The following CMTR1 variants were observed in gnomAD, a reference collection of about 807,000 sequenced individuals.
CMTR1 encodes the protein cap methyltransferase 1.
CMTR1 carries 39 observed loss-of-function variants against 107.0 expected under a neutral mutation model. The observed-to-expected ratio is 0.36, with a 90% confidence interval of 0.28 to 0.48. CMTR1 has a LOEUF of 0.48. Among genes scored for constraint, CMTR1 ranks in the 20% least tolerant of loss-of-function variants. CMTR1 has a pLI of 0.99. For synonymous variants in CMTR1, 366 were observed against 379.5 expected, an observed-to-expected ratio of 0.96 and a Z score of 0.41; for missense variants, 672 against 1,064.9, an observed-to-expected ratio of 0.63 and a Z score of 5.14.
intron 22 of CMTR1, 140 bp downstream of exon 22, chr6:37,478,661 C>T: frequency 3.0e-6 from 2 of 677,574 alleles, no homozygotes; most frequent in Non-Finnish European, 5.2e-6. Context: ...TTCTCTGAGG[C>T]ATATGTTAGG....
At chr6:37,453,645 G>GTACTGGGA (rs1761230243) in intron 8 of CMTR1, among the ~76,000 whole-genome samples, 1 of 151,668 alleles carries the variant, frequency 6.6e-6, no homozygotes, top group African/African-American at 2.4e-5. Context: ...AATGAGAGGG[G>GTACTGGGA]AATATGGTTT....
intron 2 of CMTR1, chr6:37,436,338 T>G (rs1266888160): frequency 6.6e-6 from 1 of 152,252 alleles, no homozygotes; most frequent in Non-Finnish European, 1.5e-5. Flanking sequence ...AGATGCTTTC[T>G]GAGGAATGGT....
In CMTR1 at chr6:37,481,093, C is replaced by A; in HGVS notation, c.*948C>A. The A allele has an allele frequency of 7.7e-7, 1 of 1,304,272 alleles. No individual in the cohort carries two copies. Among genetic ancestry groups the A allele is most frequent in the Non-Finnish European group, 1.0e-6 (1 of 988,962 alleles). 80.8% of individuals were successfully genotyped at this position (1,304,272 alleles called of 1,614,324 possible). ...CTTGAAGTGCAGCTCCCTTACTACC[C>A]TTTCCCTTCCTTTTTCTTCCCTAAT... is the stretch of plus-strand genomic sequence containing the variant. On this transcript the variant is annotated 3_prime_UTR_variant, in exon 24 of 24. Transcript: ENST00000373451.
At position 37,435,661 on chromosome 6, in the gene CMTR1, C is replaced by T; in HGVS notation, c.32C>T (p.Ala11Val). MKRRTDPECT[A>V]PIKKQKKRVA... is the part of the protein sequence containing the mutation. ...AGGAGAACTGACCCAGAATGCACTG[C>T]CCCCATCAAGAAACAGAAAAAAAGA... The change falls in exon 2 of 24, where the codon GCC becomes GTC. Residue 11 changes from alanine to valine, a missense_variant. By Grantham distance (64) the Ala-to-Val change is moderately conservative. Transcript: ENST00000373451. 1.9e-6 allele frequency: 3 copies of T among 1,600,726 alleles called. No individual in the cohort carries two copies. Among genetic ancestry groups the T allele is most frequent in the Non-Finnish European group, 2.6e-6 (3 of 1,174,798 alleles).
chr6:37,450,102 T>C (rs1019371608), intron 4 of CMTR1, 149 bp from the exon 5 acceptor site: 3 of 611,036 alleles, frequency 4.9e-6, no homozygotes, highest in Admixed American at 5.5e-5. Flanking sequence ...TCACGTCTCA[T>C]GTCTGACCAC....
At chr6:37,430,946 G>A (rs1168604059), upstream of CMTR1, among the ~76,000 whole-genome samples, 1 of 150,510 alleles carries the variant, frequency 6.6e-6, no homozygotes, top group Non-Finnish European at 1.5e-5. Flanking sequence ...CCTGGAGGTG[G>A]TGCTTGCAGT....
intron 13 of CMTR1, 146 bp downstream of exon 13, chr6:37,463,154 C>T: frequency 1.2e-6 from 1 of 819,958 alleles, no homozygotes; most frequent in Middle Eastern, 3.1e-4. Flanking sequence ...TCAGGGCTCC[C>T]TGGGACTTTG....
intron 2 of CMTR1, among the ~76,000 whole-genome samples, chr6:37,436,043 TAG>T (rs1309495120): frequency 3.3e-5 from 5 of 152,216 alleles, no homozygotes; most frequent in Admixed American, 6.5e-5. Flanking sequence ...TTAAACCAGT[TAG>T]AAGTAGTGGT....
rs542833926 is a variant in CMTR1 at position 37,453,281 on chromosome 6, G to A, written c.746G>A (p.Arg249His). 6.2e-6 allele frequency: 10 copies of A among 1,614,120 alleles called. No individual in the cohort carries two copies. The highest frequency in any genetic ancestry group is 1.1e-5 in the South Asian group (1 of 91,080). ...GCTAACATGGATTTTGTATTTGATC[G>A]CATGTTCACAAATCCGCGGGACTCT... ...KMANMDFVFD[R>H]MFTNPRDSYG... is the part of the protein sequence containing the mutation. The change falls in exon 8 of 24, where the codon CGC becomes CAC. Residue 249 changes from arginine to histidine, a missense_variant. Coordinates refer to ENST00000373451, the MANE Select transcript of CMTR1 (RefSeq NM_015050.3).
rs770140756 is a variant in CMTR1, at chr6:37,459,601, C to T, written c.1012C>T (p.Arg338Cys). The T allele has an allele frequency of 6.8e-6, 11 of 1,614,166 alleles. No homozygotes were observed. Among genetic ancestry groups the T allele is most frequent in the East Asian group, 4.5e-5 (2 of 44,882 alleles). Reference sequence around the variant, plus strand: ...GATTGATGGAGATGGAGATATCACCCGCCCAGAGAACATCTCTGCTTTTCG... The same window carrying T: ...GATTGATGGAGATGGAGATATCACCTGCCCAGAGAACATCTCTGCTTTTCG... ...GGIDGDGDIT[R>C]PENISAFRNF... Residue 338 changes from arginine to cysteine, a missense_variant, in exon 10 of 24, where the codon CGC (arginine) becomes TGC (cysteine). Physicochemically the swap from Arg to Cys is radical, Grantham distance 180. Transcript: ENST00000373451.
At chr6:37,468,752 G>A (rs939070073) in intron 13 of CMTR1, among the ~76,000 whole-genome samples, 1 of 151,952 alleles carries the variant, frequency 6.6e-6, no homozygotes, top group Non-Finnish European at 1.5e-5. Flanking sequence ...GCATGATGGC[G>A]GGTACCTGTA....
At chr6:37,446,770 G>C (rs1167151190) in intron 4 of CMTR1, among the ~76,000 whole-genome samples, 4 of 152,216 alleles carry the variant, frequency 2.6e-5, no homozygotes, top group African/African-American at 7.2e-5. Context: ...TACCTTGTGA[G>C]GCAGTGTGCT....
Position 37,481,109 on chromosome 6 carries a change from C to G in CMTR1, c.*964C>G, listed in dbSNP as rs183439071. ...CTTACTACCCTTTCCCTTCCTTTTTCTTCCCTAATAGGAGGTACAATCTGC... is the reference window on the plus strand; with the variant it reads ...CTTACTACCCTTTCCCTTCCTTTTTGTTCCCTAATAGGAGGTACAATCTGC... On this transcript the variant is annotated 3_prime_UTR_variant, in exon 24 of 24. Coordinates refer to ENST00000373451, the MANE Select transcript of CMTR1 (RefSeq NM_015050.3). 6.9e-6 allele frequency: 9 copies of G among 1,304,154 alleles called. No homozygotes were observed. The East Asian group carries it at 5.0e-4, about 72-fold the overall frequency. The allele number at this position is 1,304,154 out of a possible 1,614,324, so 80.8% of individuals were successfully genotyped here. A position where few individuals can be genotyped will look rare whatever the true frequency, so the allele number is the denominator to read the frequency against.
intron 11 of CMTR1, 132 bp from the exon 12 acceptor site, chr6:37,461,838 T>A: frequency 1.9e-6 from 2 of 1,074,580 alleles, no homozygotes; most frequent in Non-Finnish European, 2.7e-6. Context: ...TTCTCCCCCT[T>A]AAATTGTCTC....
chr6:37,459,830 T>C, intron 10 of CMTR1, 146 bp downstream of exon 10: 1 of 688,954 alleles, frequency 1.5e-6, no homozygotes, highest in Non-Finnish European at 2.6e-6. Context: ...TTTATTCTTT[T>C]TATACATTTT....
At position 37,473,565 on chromosome 6, in the gene CMTR1, A is replaced by G. The variant is rs778049325; in HGVS notation, c.1785A>G (p.Val595=). The change falls in exon 17 of 24, where the codon GTA becomes GTG. Residue 595 remains valine, a synonymous_variant. Coordinates refer to ENST00000373451, the MANE Select transcript of CMTR1 (RefSeq NM_015050.3). ...CTGTGTTTGACTACCGCTGCATGGT[A>G]TCTGGCAGTGAGCAGAAGTTCCTCA... ...IRPVFDYRCM[V]SGSEQKFLIG... is the part of the protein sequence containing the mutation. The G allele has an allele frequency of 3.1e-6, 5 of 1,614,118 alleles. No individual in the cohort carries two copies. Among genetic ancestry groups the G allele is most frequent in the Non-Finnish European group, 3.4e-6 (4 of 1,180,014 alleles).
intron 18 of CMTR1, 73 bp downstream of exon 18, chr6:37,474,719 C>T: frequency 6.3e-7 from 1 of 1,583,978 alleles, no homozygotes. Context: ...TGGCCTTTTG[C>T]CCTGAGTTAA....
At position 37,462,064 on chromosome 6, in the gene CMTR1, C is replaced by T; in HGVS notation, c.1287C>T (p.Leu429=). The T allele has an allele frequency of 1.2e-6, 2 of 1,614,066 alleles. No individual in the cohort carries two copies. Among genetic ancestry groups the T allele is most frequent in the Non-Finnish European group, 1.7e-6 (2 of 1,180,034 alleles). The change falls in exon 12 of 24, where the codon CTC becomes CTT. Residue 429 remains leucine, a synonymous_variant. Coordinates refer to ENST00000373451, the MANE Select transcript of CMTR1 (RefSeq NM_015050.3). The part of the protein sequence containing the change: ...LLYCCFERVC[L]FKPITSRPAN... ...ACTGCTGCTTTGAACGAGTTTGTCT[C>T]TTCAAGCCTATTACCAGCCGTCCTG...
intron 8 of CMTR1, among the ~76,000 whole-genome samples, chr6:37,457,217 C>CAA (rs775870961): frequency 9.6e-5 from 8 of 83,620 alleles, no homozygotes; most frequent in East Asian, 3.3e-4. Context: ...ACCTCGTTGC[C>CAA]AAAAAAAAAA....
Sources: gnomAD v4.1 joint callset for allele counts (sites outside exome capture counted in the v4.1 genomes callset) on GRCh38, gnomAD v4.1.1 for gene constraint, MANE v1.5 for transcripts, NCBI Gene and HGNC (gene_info 2026-07-23, HGNC 2026-07-21) for gene names.